The following PPFIBP2 variants were observed in gnomAD, a reference collection of about 807,000 sequenced individuals.
PPFIBP2 encodes PPFIB scaffold protein 2.
A neutral mutation model predicts 118.3 loss-of-function variants in PPFIBP2; 118 were observed. The observed-to-expected ratio is 1.00, with a 90% CI of 0.86 to 1.16. PPFIBP2 has a LOEUF of 1.16. PPFIBP2 is among the 50% of genes most tolerant of loss of function. PPFIBP2 has a pLI of 0.00. For synonymous variants in PPFIBP2, 414 were observed against 397.4 expected, an observed-to-expected ratio of 1.04 and a Z score of -0.50; for missense variants, 1,195 against 1,073.1, an observed-to-expected ratio of 1.11 and a Z score of -1.59.
At position 7,651,869 on chromosome 11, in the gene PPFIBP2, G is replaced by A. The variant is rs565007043; in HGVS notation, c.2436+25G>A. The stretch of plus-strand genomic sequence containing the variant: ...GGTGAGTTGCAGAGCCTTTCTGGGT[G>A]GGCCCTGGGCTGCCTCCTGGCCCTC... On this transcript the variant is annotated intron_variant, in intron 23 of 23. Coordinates refer to ENST00000299492, the MANE Select transcript of PPFIBP2 (RefSeq NM_003621.5). The A allele has an allele frequency of 6.3e-6, 10 of 1,590,136 alleles. No individual in the cohort carries two copies. In the South Asian group the frequency reaches 9.0e-5, roughly 14 times the overall value.
chr11:7,639,663 A>G, intron 14 of PPFIBP2, 69 bp from the exon 15 acceptor site: 1 of 1,601,754 alleles, frequency 6.2e-7, no homozygotes, highest in Admixed American at 1.7e-5. Flanking sequence ...GTTGTTCTGT[A>G]TCCAAGGATT....
intron 3 of PPFIBP2, among the ~76,000 whole-genome samples, chr11:7,573,236 C>T (rs1440006712): frequency 6.6e-6 from 1 of 152,178 alleles, no homozygotes; most frequent in Admixed American, 6.5e-5. Context: ...TTACTAGAAC[C>T]CCCTCAGGTC....
intron 11 of PPFIBP2, chr11:7,632,647 G>A (rs1266661786): frequency 4.1e-6 from 2 of 483,642 alleles, no homozygotes; most frequent in Non-Finnish European, 7.6e-6. Context: ...CTAAGCTCTA[G>A]GGTCCAGGAA....
intron 7 of PPFIBP2, among the ~76,000 whole-genome samples, chr11:7,623,468 G>C (rs1279776120): frequency 6.6e-6 from 1 of 152,216 alleles, no homozygotes; most frequent in African/African-American, 2.4e-5. Context: ...TGCGGAGACA[G>C]AGATCGCTCA....
intron 16 of PPFIBP2, 157 bp from the exon 17 acceptor site, chr11:7,642,141 C>G: frequency 2.4e-6 from 2 of 843,494 alleles, no homozygotes; most frequent in South Asian, 2.0e-5. Flanking sequence ...CAAGGAGCTG[C>G]GACAGGTTGT....
Position 7,632,895 on chromosome 11 carries a change from T to C in PPFIBP2, c.1097T>C (p.Val366Ala). Reference sequence around the variant, plus strand: ...CCTCCAAGATGTAGCTCTCCTACAGTGGGGCCACCTCCATTGCCACAGAAA... The same window carrying C: ...CCTCCAAGATGTAGCTCTCCTACAGCGGGGCCACCTCCATTGCCACAGAAA... ...EMPPRCSSPT[V>A]GPPPLPQKSL... Residue 366 changes from valine (V) to alanine (A), a missense_variant, in exon 12 of 24, where the codon GTG (valine) becomes GCG (alanine). By Grantham distance (64) the Val-to-Ala change is moderately conservative. Coordinates refer to ENST00000299492, the MANE Select transcript of PPFIBP2 (RefSeq NM_003621.5). 1 of 1,613,942 alleles carries C rather than the reference T, an allele frequency of 6.2e-7. No homozygotes were observed. Among genetic ancestry groups the C allele is most frequent in the Non-Finnish European group, 8.5e-7 (1 of 1,179,824 alleles).
chr11:7,521,461 A>G lies in PPFIBP2; in HGVS notation c.-37+7340A>G, dbSNP rs539131008. Among the ~76,000 whole-genome samples the G allele has an allele frequency of 3.9e-5, 6 of 152,338 alleles. No homozygotes were observed. In the South Asian group the frequency reaches 6.2e-4, roughly 16 times the overall value. ...TTCTTTTGTGCCTATCTGCATTTGC[A>G]TACACTATTTTATCTTCCTGGAAAG... On this transcript the variant is annotated intron_variant, in intron 1 of 23. Coordinates refer to ENST00000299492, the MANE Select transcript of PPFIBP2 (RefSeq NM_003621.5).
In PPFIBP2 at chr11:7,616,136, A is replaced by G. The variant is rs1437235075; in HGVS notation, c.619-4799A>G. Among the ~76,000 whole-genome samples, 4 of 152,042 alleles carry G rather than the reference A, an allele frequency of 2.6e-5. No individual in the cohort carries two copies. The highest frequency in any genetic ancestry group is 2.6e-4 in the Admixed American group (4 of 15,276). On this transcript the variant is annotated intron_variant, in intron 6 of 23. Transcript: ENST00000299492. The surrounding 1 kb of genome is among the most constrained non-coding windows in gnomAD (Gnocchi z 5.2). Reference sequence around the variant, plus strand: ...CTGAGGACAACACAAAGCCATACACACACATACACACGCACACACAAACAC... The same window carrying G: ...CTGAGGACAACACAAAGCCATACACGCACATACACACGCACACACAAACAC...
At chr11:7,623,991 A>C (rs1849660385) in intron 7 of PPFIBP2, among the ~76,000 whole-genome samples, 1 of 152,152 alleles carries the variant, frequency 6.6e-6, no homozygotes, top group South Asian at 2.1e-4. Flanking sequence ...GGCCTCTGTG[A>C]GTGGAGCCCA....
intron 15 of PPFIBP2, chr11:7,640,982 T>C (rs907479161): frequency 4.0e-5 from 49 of 1,217,792 alleles, no homozygotes; most frequent in Non-Finnish European, 5.2e-5. Flanking sequence ...GGCTGGACTT[T>C]GGCCTCTCTT....
chr11:7,591,814 A>G (rs574451402), intron 3 of PPFIBP2, among the ~76,000 whole-genome samples: 84 of 152,344 alleles, frequency 5.5e-4, no homozygotes, highest in South Asian at 1.4e-3. Context: ...CAGGGTTTGA[A>G]TGCGGTATGC....
At chr11:7,605,623 T>G in intron 5 of PPFIBP2, 3 of 924,328 alleles carry the variant, frequency 3.2e-6, no homozygotes, top group Non-Finnish European at 4.1e-6. Context: ...TGCTGTGGTA[T>G]GAATACAATT....
chr11:7,556,225 G>A (rs535526820), intron 2 of PPFIBP2, among the ~76,000 whole-genome samples: 1 of 152,190 alleles, frequency 6.6e-6, no homozygotes, highest in East Asian at 1.9e-4. Context: ...GGAGGCCGAG[G>A]CGGGCGAATC....
chr11:7,610,240 G>C, intron 5 of PPFIBP2, 51 bp from the exon 6 acceptor site: 1 of 1,587,662 alleles, frequency 6.3e-7, no homozygotes, highest in Non-Finnish European at 8.6e-7. Flanking sequence ...AGCCAGAGCT[G>C]TTCTTATTGC....
rs145381344 is a variant in PPFIBP2, at chr11:7,529,795, TG to T, written c.-37+15675del. On this transcript the variant is annotated intron_variant, in intron 1 of 23. Coordinates refer to ENST00000299492, the MANE Select transcript of PPFIBP2 (RefSeq NM_003621.5). Reference sequence around the variant, plus strand: ...TTCACTGTTCCTAAGCAGGTCACCTTGTGACCCTCGTGGAATGGCTGAGGAA... The same window carrying T: ...TTCACTGTTCCTAAGCAGGTCACCTTTGACCCTCGTGGAATGGCTGAGGAA... Among the ~76,000 whole-genome samples, 512 of 152,364 alleles carry T rather than the reference TG, an allele frequency of 3.4e-3. 5 individuals are homozygous for T. Among genetic ancestry groups the T allele is most frequent in the African/African-American group, 0.012 (487 of 41,586 alleles).
intron 3 of PPFIBP2, among the ~76,000 whole-genome samples, chr11:7,580,124 C>A (rs925066222): frequency 6.6e-6 from 1 of 152,080 alleles, no homozygotes; most frequent in Non-Finnish European, 1.5e-5. Flanking sequence ...TTATATCTAC[C>A]CTGATGAGCT....
chr11:7,614,588 A>G (rs868593798), intron 6 of PPFIBP2, among the ~76,000 whole-genome samples: 1 of 152,230 alleles, frequency 6.6e-6, no homozygotes, highest in Non-Finnish European at 1.5e-5. Flanking sequence ...ATAATCTTGT[A>G]TATATGTAAA....
At chr11:7,517,581 T>A (rs1203352745) in intron 1 of PPFIBP2, among the ~76,000 whole-genome samples, 6 of 338 alleles carry the variant, frequency 0.018, no homozygotes, top group Non-Finnish European at 0.032. Flanking sequence ...AGACCAGGTT[T>A]GGGGTGAAAA....
intron 12 of PPFIBP2, 116 bp from the exon 13 acceptor site, chr11:7,634,379 T>C (rs1851175942): frequency 8.9e-6 from 7 of 790,452 alleles, no homozygotes. Flanking sequence ...TATTTTTTTT[T>C]CTTGACTTTG....
Sources: allele counts gnomAD v4.1 joint callset (sites outside exome capture counted in the v4.1 genomes callset), GRCh38; gene constraint gnomAD v4.1.1; non-coding constraint Gnocchi (gnomAD v3.1); transcripts MANE v1.5; gene names NCBI Gene and HGNC (gene_info 2026-07-23, HGNC 2026-07-21).